Variants in NAT1 observed in about 807,000 individuals in gnomAD.
NAT1 encodes the protein N-acetyltransferase 1, also known as arylamine N-acetyltransferase 1.
For synonymous variants in NAT1, 144 were observed against 122.6 expected (o/e 1.17, Z -1.16); for missense variants, 400 against 339.2 (o/e 1.18, Z -1.41).
In NAT1 at chr8:18,199,317, C is replaced by CAA. The variant is rs373393013; in HGVS notation, n.93-10444_93-10443dup. Among the ~76,000 whole-genome samples, 688 of 87,428 alleles carry CAA rather than the reference C, an allele frequency of 7.9e-3. 7 individuals are homozygous for CAA. The highest frequency in any genetic ancestry group is 0.024 in the African/African-American group (629 of 26,640). The allele number at this position is 87,428 out of a possible 152,430, so 57.4% of individuals were successfully genotyped here. ...CGACAAAACAAGAAAGACTCTGTCT[C>CAA]AAAAAAAAAAAAAAAAAAAAATTTT... On this transcript the variant is annotated intron_variant and non_coding_transcript_variant, in intron 2 of 4. Transcript: ENST00000517441.
chr8:18,180,733 A>G (rs570755961), intron 2 of NAT1, among the ~76,000 whole-genome samples: 1 of 152,326 alleles, frequency 6.6e-6, no homozygotes, highest in African/African-American at 2.4e-5. Flanking sequence ...TCATTATACA[A>G]CATATATATA....
At chr8:18,199,223 A>G (rs1402034692) in intron 2 of NAT1, among the ~76,000 whole-genome samples, 1 of 151,152 alleles carries the variant, frequency 6.6e-6, no homozygotes, top group East Asian at 2.0e-4. Context: ...CTGAGACAGG[A>G]GAATCGTTTG....
chr8:18,194,226 A>G lies in NAT1; in HGVS notation n.93-15555A>G, dbSNP rs146621031. Among the ~76,000 whole-genome samples, 843 of 152,274 alleles carry G rather than the reference A, an allele frequency of 5.5e-3. 7 individuals are homozygous for G. The highest frequency in any genetic ancestry group is 0.019 in the African/African-American group (783 of 41,540). On this transcript the variant is annotated intron_variant and non_coding_transcript_variant, in intron 2 of 4. Coordinates refer to the NAT1 transcript ENST00000517441. ...AGGCTTATCACAAAACGTGATTATT[A>G]ACCAGTAGTGCACGGAGCTGCACTG...
At chr8:18,193,497 TATATATATA>T (rs1408004061) in intron 2 of NAT1, among the ~76,000 whole-genome samples, 52 of 131,270 alleles carry the variant, frequency 4.0e-4, no homozygotes, top group African/African-American at 1.9e-3. Flanking sequence ...ATCTGATATA[TATATATATA>T]ATATATATAT....
chr8:18,176,966 T>C (rs1802317803), intron 2 of NAT1, among the ~76,000 whole-genome samples: 1 of 152,214 alleles, frequency 6.6e-6, no homozygotes, highest in South Asian at 2.1e-4. Flanking sequence ...AAGTATTTTT[T>C]CTGATGCTAT....
At chr8:18,192,503 G>T (rs980545925) in intron 2 of NAT1, among the ~76,000 whole-genome samples, 4 of 152,290 alleles carry the variant, frequency 2.6e-5, no homozygotes, top group Admixed American at 1.3e-4. Flanking sequence ...TATACCCAAT[G>T]GACTATAAAT....
At chr8:18,189,253 A>AT (rs889479172) in intron 2 of NAT1, among the ~76,000 whole-genome samples, 3 of 151,978 alleles carry the variant, frequency 2.0e-5, no homozygotes, top group African/African-American at 7.2e-5. Flanking sequence ...TCACTTTATT[A>AT]TTTTTTCCAA....
intron 2 of NAT1, among the ~76,000 whole-genome samples, chr8:18,179,848 A>G (rs191796307): frequency 2.0e-5 from 3 of 152,324 alleles, no homozygotes; most frequent in Admixed American, 6.5e-5. Flanking sequence ...CAGAAACACA[A>G]GGAAGGCACT....
chr8:18,202,370 G>A (rs1205784485), intron 2 of NAT1, among the ~76,000 whole-genome samples: 1 of 152,200 alleles, frequency 6.6e-6, no homozygotes, highest in African/African-American at 2.4e-5. Context: ...AAAGCGCGAA[G>A]GGAAACTATT....
chr8:18,172,742 TG>T (rs1200414338), intron 2 of NAT1, among the ~76,000 whole-genome samples: 4 of 152,210 alleles, frequency 2.6e-5, no homozygotes, highest in African/African-American at 9.6e-5. Context: ...ACATCTTTCA[TG>T]GTTTGTATTT....
upstream of NAT1, among the ~76,000 whole-genome samples, chr8:18,207,813 C>T (rs1053142437): frequency 5.3e-5 from 8 of 152,078 alleles, no homozygotes; most frequent in African/African-American, 9.7e-5. Context: ...GATACATGCA[C>T]GTATATGTTC....
upstream of NAT1, among the ~76,000 whole-genome samples, chr8:18,206,556 G>A (rs1563179327): frequency 6.6e-6 from 1 of 152,068 alleles, no homozygotes; most frequent in Non-Finnish European, 1.5e-5. Context: ...AATTAGTCGA[G>A]AAAAAAATAA....
upstream of NAT1, among the ~76,000 whole-genome samples, chr8:18,207,776 A>G (rs1446434701): frequency 6.6e-6 from 1 of 152,224 alleles, no homozygotes; most frequent in Non-Finnish European, 1.5e-5. Flanking sequence ...TATATACCCA[A>G]AGGAATATAA....
At chr8:18,176,471 A>C (rs1220183534) in intron 2 of NAT1, among the ~76,000 whole-genome samples, 1 of 152,030 alleles carries the variant, frequency 6.6e-6, no homozygotes, top group Non-Finnish European at 1.5e-5. Flanking sequence ...GTTTTTTCCC[A>C]ATTTGTGTTC....
intron 1 of NAT1, chr8:18,217,030 T>C: frequency 2.1e-6 from 3 of 1,403,876 alleles, no homozygotes; most frequent in Non-Finnish European, 2.9e-6. Flanking sequence ...CAGTTTCGCA[T>C]ACAAAAAGGG....
At chr8:18,172,771 A>G (rs1410852745) in intron 2 of NAT1, among the ~76,000 whole-genome samples, 3 of 152,204 alleles carry the variant, frequency 2.0e-5, no homozygotes, top group African/African-American at 4.8e-5. Flanking sequence ...TGCTGTGCAC[A>G]TAATTACTGT....
At chr8:18,182,622 C>T (rs575794380) in intron 2 of NAT1, among the ~76,000 whole-genome samples, 1 of 152,226 alleles carries the variant, frequency 6.6e-6, no homozygotes, top group African/African-American at 2.4e-5. Context: ...ATTTCCTTAG[C>T]CTATTTTTCA....
chr8:18,190,772 A>G (rs1017463767), intron 2 of NAT1, among the ~76,000 whole-genome samples: 4 of 152,166 alleles, frequency 2.6e-5, no homozygotes, highest in Admixed American at 2.6e-4. Context: ...ATATATAGAT[A>G]GGTAATAAAC....
chr8:18,219,090 GT>G (rs1206934590), intron 1 of NAT1, among the ~76,000 whole-genome samples: 7 of 152,096 alleles, frequency 4.6e-5, no homozygotes, highest in African/African-American at 1.7e-4. Flanking sequence ...ATGGAACTTG[GT>G]TCACCCTTCC....
Sources: gnomAD v4.1 joint callset for allele counts (sites outside exome capture counted in the v4.1 genomes callset) on GRCh38, gnomAD v4.1.1 for gene constraint, MANE v1.5 for transcripts, NCBI Gene and HGNC (gene_info 2026-07-23, HGNC 2026-07-21) for gene names.